The following PTPRU variants were observed in gnomAD, a reference collection of about 807,000 sequenced individuals.
The protein encoded by PTPRU is receptor-type tyrosine-protein phosphatase U.
In PTPRU, 69 loss-of-function variants were observed where a neutral mutation model predicts 166.3. That is an observed-to-expected ratio of 0.41 (90% CI 0.34 to 0.51). The LOEUF is 0.51. PTPRU is among the 20% of genes least tolerant of loss of function. The pLI, the probability that PTPRU is intolerant of heterozygous loss-of-function variation, is 0.09. For missense variants in PTPRU, 1,657 were observed against 2,013.7 expected (o/e 0.82, Z 3.39); for synonymous variants, 793 against 814.0 (o/e 0.97, Z 0.44).
intron 1 of PTPRU, among the ~76,000 whole-genome samples, chr1:29,244,961 C>T (rs1178188508): frequency 3.3e-5 from 5 of 151,540 alleles, no homozygotes; most frequent in Non-Finnish European, 7.4e-5. Flanking sequence ...GTGGTGGGGA[C>T]GGGGGTGGTG....
At position 29,280,376 on chromosome 1, in the gene PTPRU, G is replaced by C. The variant is rs1686007973; in HGVS notation, c.1868+235G>C. ...TGACTGTCAGGAGGACCCTGGATAG[G>C]TCCAGCCTGGAGAGGGGACTGTCCA... On this transcript the variant is annotated intron_variant, in intron 11 of 29. Coordinates refer to ENST00000373779, the MANE Select transcript of PTPRU (RefSeq NM_133178.4). This position sits in a 1 kb window ranked among gnomAD's most constrained non-coding sequence, Gnocchi z 4.2. Among the ~76,000 whole-genome samples the C allele has an allele frequency of 6.6e-6, 1 of 152,214 alleles. No individual in the cohort carries two copies. The highest frequency in any genetic ancestry group is 2.4e-5 in the African/African-American group (1 of 41,460).
chr1:29,314,339 G>A (rs144736901), intron 22 of PTPRU, among the ~76,000 whole-genome samples: 195 of 152,326 alleles, frequency 1.3e-3, no homozygotes, highest in Non-Finnish European at 9.7e-4. Context: ...CAAGGGGGTT[G>A]TGCTAAGTTA....
Position 29,257,894 on chromosome 1 carries a change from G to A in PTPRU, c.206-611G>A, listed in dbSNP as rs966780975. Among the ~76,000 whole-genome samples the A allele has an allele frequency of 2.0e-5, 3 of 152,108 alleles. No homozygotes were observed. Among genetic ancestry groups the A allele is most frequent in the African/African-American group, 4.8e-5 (2 of 41,406 alleles). On this transcript the variant is annotated intron_variant, in intron 2 of 29. Transcript: ENST00000373779. This position sits in a 1 kb window ranked among gnomAD's most constrained non-coding sequence, Gnocchi z 4.6. ...GACCTAGTCCCTGTCTCCAGGGATA[G>A]CTCAGAACATGGGGAAAGCTGTGGT...
chr1:29,303,692 G>C (rs1277110258), intron 15 of PTPRU, among the ~76,000 whole-genome samples, 163 bp from the exon 16 acceptor site: 3 of 152,194 alleles, frequency 2.0e-5, no homozygotes. Flanking sequence ...ATGTGTTCAG[G>C]ACCACACAGG....
intron 1 of PTPRU, among the ~76,000 whole-genome samples, chr1:29,254,838 T>C (rs1684704242): frequency 6.6e-6 from 1 of 152,192 alleles, no homozygotes; most frequent in Admixed American, 6.5e-5. Flanking sequence ...CCCACCTCCA[T>C]CACCAGTGAC....
rs756104223 is a variant in PTPRU, at chr1:29,312,671, C to A, written c.3192C>A (p.Thr1064=). ...TCATCCGGCGCGTGAAGGCCTCCAC[C>A]CCACCTGATGCCGGGCCCATTGTCA... ...LAFIRRVKAS[T]PPDAGPIVIH... is the part of the protein sequence containing the mutation. Residue 1064 remains threonine, a synonymous_variant, in exon 22 of 30, where the codon ACC becomes ACA. Transcript: ENST00000373779. 5 of 1,610,138 alleles carry A rather than the reference C, an allele frequency of 3.1e-6. No homozygotes were observed. The South Asian group carries it at 4.4e-5, about 14-fold the overall frequency.
chr1:29,264,742 G>T (rs987437976), intron 7 of PTPRU, among the ~76,000 whole-genome samples: 1 of 152,146 alleles, frequency 6.6e-6, no homozygotes, highest in African/African-American at 2.4e-5. Context: ...CTGATGTCAG[G>T]TGATCCACCT....
At chr1:29,274,856 G>A (rs1685723013) in intron 7 of PTPRU, among the ~76,000 whole-genome samples, 1 of 151,788 alleles carries the variant, frequency 6.6e-6, no homozygotes, top group Non-Finnish European at 1.5e-5. Flanking sequence ...TTCAAGACCA[G>A]CCTGGCCAAC....
intron 14 of PTPRU, 41 bp downstream of exon 14, chr1:29,284,910 C>G: frequency 1.3e-6 from 2 of 1,567,536 alleles, no homozygotes; most frequent in Non-Finnish European, 1.7e-6. Context: ...TGGCTTCTAC[C>G]CCTTAGAGGC....
intron 14 of PTPRU, among the ~76,000 whole-genome samples, chr1:29,290,431 C>T (rs1460125135): frequency 6.6e-6 from 1 of 152,210 alleles, no homozygotes; most frequent in East Asian, 1.9e-4. Flanking sequence ...AACCCAGGCC[C>T]CTGCTGACTC....
At chr1:29,292,373 C>T (rs1233502639) in intron 15 of PTPRU, among the ~76,000 whole-genome samples, 3 of 152,104 alleles carry the variant, frequency 2.0e-5, no homozygotes, top group Non-Finnish European at 2.9e-5. Flanking sequence ...TGAGAGAGAC[C>T]GATATAGAGT....
chr1:29,292,432 G>A (rs1686683989), intron 15 of PTPRU, among the ~76,000 whole-genome samples: 5 of 152,160 alleles, frequency 3.3e-5, no homozygotes, highest in Non-Finnish European at 7.3e-5. Flanking sequence ...CCTGGGGCAA[G>A]TCACTTAAGC....
chr1:29,290,259 C>G (rs1686564843), intron 14 of PTPRU, among the ~76,000 whole-genome samples: 1 of 152,198 alleles, frequency 6.6e-6, no homozygotes, highest in South Asian at 2.1e-4. Context: ...TTCCTGGGAG[C>G]CTCCTCTGGG....
chr1:29,304,536 T>C (rs1262812508), intron 16 of PTPRU, among the ~76,000 whole-genome samples: 1 of 152,206 alleles, frequency 6.6e-6, no homozygotes, highest in Non-Finnish European at 1.5e-5. Context: ...CTTTGAACCC[T>C]GGCCCTCTTT....
chr1:29,292,777 C>T (rs753165172), intron 15 of PTPRU, among the ~76,000 whole-genome samples: 3 of 151,570 alleles, frequency 2.0e-5, no homozygotes, highest in Admixed American at 6.6e-5. Flanking sequence ...TATCCCCTAC[C>T]TCTTTCTTAG....
intron 7 of PTPRU, among the ~76,000 whole-genome samples, chr1:29,262,249 T>C (rs1037329895): frequency 1.3e-5 from 2 of 152,270 alleles, no homozygotes; most frequent in East Asian, 1.9e-4. Context: ...AAAAATATTA[T>C]ATGAATGAAA....
At position 29,292,502 on chromosome 1, in the gene PTPRU, G is replaced by A. The variant is rs115571339; in HGVS notation, c.2476+476G>A. ...GAATGCAGATTGCCTCTGCTAGTAG[G>A]GCCGATGTGAAGACTAAATGAGATA... On this transcript the variant is annotated intron_variant, in intron 15 of 29. Coordinates refer to ENST00000373779, the MANE Select transcript of PTPRU (RefSeq NM_133178.4). Among the ~76,000 whole-genome samples, 1,040 of 152,272 alleles carry A rather than the reference G, an allele frequency of 6.8e-3. 16 individuals are homozygous for A. The highest frequency in any genetic ancestry group is 0.023 in the African/African-American group (974 of 41,548).
chr1:29,299,909 C>T (rs976092751), intron 15 of PTPRU, among the ~76,000 whole-genome samples: 7 of 152,082 alleles, frequency 4.6e-5, no homozygotes, highest in Non-Finnish European at 1.5e-5. Flanking sequence ...GGTCCCAGAC[C>T]CAAGATCTTA....
intron 16 of PTPRU, among the ~76,000 whole-genome samples, 165 bp from the exon 17 acceptor site, chr1:29,304,609 A>T (rs558921328): frequency 6.6e-6 from 1 of 152,216 alleles, no homozygotes; most frequent in South Asian, 2.1e-4. Context: ...CCTGGCTGAT[A>T]AAAGGACCCA....
Sources: allele counts gnomAD v4.1 joint callset (sites outside exome capture counted in the v4.1 genomes callset), GRCh38; gene constraint gnomAD v4.1.1; non-coding constraint Gnocchi (gnomAD v3.1); transcripts MANE v1.5; gene names NCBI Gene and HGNC (gene_info 2026-07-23, HGNC 2026-07-21).